RABGAP1L: variants seen among roughly 807,000 people sequenced by gnomAD.
RABGAP1L encodes the protein RAB GTPase activating protein 1 like.
Under a neutral mutation model 137.7 loss-of-function variants are expected in RABGAP1L, and 63 were observed. That is an observed-to-expected ratio of 0.46 (90% CI 0.37 to 0.56). The LOEUF (loss-of-function observed/expected upper bound fraction) is 0.56. Ranked by LOEUF, RABGAP1L falls within the 20% of genes least tolerant of loss-of-function variation. The probability of loss-of-function intolerance (pLI) is 0.00; values close to 1 mark genes in which losing one functional copy is unlikely to be tolerated. For synonymous variants in RABGAP1L, 431 were observed against 433.7 expected (o/e 0.99, Z 0.08); for missense variants, 1,095 against 1,244.0 (o/e 0.88, Z 1.80).
In RABGAP1L at chr1:174,698,915, A is replaced by G. The variant is rs577635578; in HGVS notation, c.1900-610A>G. ...GCAAAAGAGGTTGGGGGGTGTAGGT[A>G]CCGGGGATTAGTTTATATATAATGA... is the stretch of plus-strand genomic sequence containing the variant. On this transcript the variant is annotated intron_variant, in intron 15 of 25. Coordinates refer to ENST00000681986, the MANE Select transcript of RABGAP1L (RefSeq NM_001366446.1). Among the ~76,000 whole-genome samples, 38 of 152,044 alleles carry G rather than the reference A, an allele frequency of 2.5e-4. 1 individual carries two copies. The South Asian group carries it at 7.9e-3, about 32-fold the overall frequency.
At chr1:174,678,975 C>G (rs372428045) in intron 14 of RABGAP1L, among the ~76,000 whole-genome samples, 4 of 152,144 alleles carry the variant, frequency 2.6e-5, no homozygotes, top group African/African-American at 9.7e-5. Flanking sequence ...TCAGCTTGAG[C>G]CCTAACAAAC....
chr1:174,976,114 C>G lies in RABGAP1L; in HGVS notation c.2581C>G (p.Leu861Val), dbSNP rs1052885840. The G allele has an allele frequency of 9.0e-6, 14 of 1,551,078 alleles. No individual in the cohort carries two copies. The highest frequency in any genetic ancestry group is 1.0e-5 in the Non-Finnish European group (12 of 1,147,102). Residue 861 changes from leucine (L) to valine (V), a missense_variant, in exon 22 of 26, where the codon CTT becomes GTT. Physicochemically the swap from Leu to Val is conservative, Grantham distance 32 (BLOSUM62 1). This residue lies in a region of RABGAP1L where 312 missense variants were observed against 435.6 expected (regional missense o/e 0.72). Coordinates refer to ENST00000681986, the MANE Select transcript of RABGAP1L (RefSeq NM_001366446.1). ...GGCAGATGTGTTGAATAAAGAGCTC[C>G]TTTTGACCAAACAGAGGCTGGTGGA... The part of the protein sequence containing the change: ...DKADVLNKEL[L>V]LTKQRLVETE...
intron 13 of RABGAP1L, among the ~76,000 whole-genome samples, chr1:174,430,449 C>T (rs965355718): frequency 2.0e-5 from 3 of 152,030 alleles, no homozygotes; most frequent in African/African-American, 7.2e-5. Context: ...GGTTCCAGAC[C>T]TCAAACAATA....
chr1:174,797,628 GGTGTGTGGGGGGGTGTGTGGGGAGTGT>G (rs1688354064), intron 18 of RABGAP1L, among the ~76,000 whole-genome samples: 1 of 127,808 alleles, frequency 7.8e-6, no homozygotes, highest in African/African-American at 3.0e-5. Context: ...TGGGAGTGTG[GGTGTGTGGGGGGGTGTGTGGGGAGTGT>G]GTGTGTGGTG....
At chr1:174,707,463 C>A (rs1475224013) in intron 17 of RABGAP1L, among the ~76,000 whole-genome samples, 3 of 152,104 alleles carry the variant, frequency 2.0e-5, no homozygotes, top group Non-Finnish European at 4.4e-5. Context: ...TTCAGTCTTA[C>A]AAAGAGCAAT....
intron 14 of RABGAP1L, among the ~76,000 whole-genome samples, chr1:174,652,599 C>T (rs958155337): frequency 2.0e-5 from 3 of 152,214 alleles, no homozygotes; most frequent in Non-Finnish European, 2.9e-5. Flanking sequence ...CCATTCCAGA[C>T]CTTGTTTGCC....
At chr1:174,748,735 C>T (rs772257371) in intron 17 of RABGAP1L, among the ~76,000 whole-genome samples, 2 of 151,860 alleles carry the variant, frequency 1.3e-5, no homozygotes, top group East Asian at 1.9e-4. Flanking sequence ...ATTATCTGGG[C>T]GTGGTGGCAT....
At chr1:174,706,524 T>C (rs1680060304) in intron 17 of RABGAP1L, among the ~76,000 whole-genome samples, 1 of 152,188 alleles carries the variant, frequency 6.6e-6, no homozygotes, top group African/African-American at 2.4e-5. Context: ...AATATTATGC[T>C]ATTAACCTAT....
At chr1:174,466,142 G>C (rs1657272856) in intron 13 of RABGAP1L, among the ~76,000 whole-genome samples, 1 of 152,164 alleles carries the variant, frequency 6.6e-6, no homozygotes, top group Admixed American at 6.5e-5. Context: ...GATCTCACCT[G>C]TTTGGAACTT....
At chr1:174,659,525 G>T (rs1264210861) in intron 14 of RABGAP1L, among the ~76,000 whole-genome samples, 1 of 151,946 alleles carries the variant, frequency 6.6e-6, no homozygotes, top group Non-Finnish European at 1.5e-5. Flanking sequence ...AGTCACTTTT[G>T]CTCATGCTTT....
At chr1:174,523,153 CAAGA>C (rs1663575372) in intron 13 of RABGAP1L, among the ~76,000 whole-genome samples, 1 of 152,036 alleles carries the variant, frequency 6.6e-6, no homozygotes, top group Non-Finnish European at 1.5e-5. Context: ...TTAAGAAGTC[CAAGA>C]AAGAAAGACT....
chr1:174,750,111 C>T (rs1363771249), intron 17 of RABGAP1L, among the ~76,000 whole-genome samples: 7 of 152,048 alleles, frequency 4.6e-5, no homozygotes, highest in Non-Finnish European at 1.0e-4. Context: ...CCTCGTGATC[C>T]GCCTGCCTCG....
At chr1:174,772,567 CAAAAAAA>C (rs60690186) in intron 18 of RABGAP1L, among the ~76,000 whole-genome samples, 1 of 53,074 alleles carries the variant, frequency 1.9e-5, no homozygotes, top group Non-Finnish European at 3.4e-5. Context: ...GACTCCATCT[CAAAAAAA>C]AAAAAAAAAA....
intron 19 of RABGAP1L, among the ~76,000 whole-genome samples, chr1:174,818,636 G>A (rs1690687019): frequency 6.6e-6 from 1 of 152,114 alleles, no homozygotes; most frequent in Non-Finnish European, 1.5e-5. Flanking sequence ...AACACTTTGG[G>A]AGGCGGAGGT....
intron 19 of RABGAP1L, among the ~76,000 whole-genome samples, chr1:174,826,054 C>T (rs1691534328): frequency 6.6e-6 from 1 of 152,142 alleles, no homozygotes; most frequent in Non-Finnish European, 1.5e-5. Flanking sequence ...CTTCCTGCCT[C>T]CCTCAAATAG....
intron 19 of RABGAP1L, among the ~76,000 whole-genome samples, chr1:174,949,028 G>A (rs1667327728): frequency 6.6e-6 from 1 of 152,084 alleles, no homozygotes; most frequent in African/African-American, 2.4e-5. Context: ...TCTAAAAACA[G>A]AACATGAAAT....
At chr1:174,178,930 C>T (rs1053039043) in intron 1 of RABGAP1L, among the ~76,000 whole-genome samples, 1 of 152,172 alleles carries the variant, frequency 6.6e-6, no homozygotes. Flanking sequence ...AGCAAACCAC[C>T]ATGGCACATG....
intron 1 of RABGAP1L, among the ~76,000 whole-genome samples, chr1:174,161,523 AGC>A (rs1571310495): frequency 6.6e-6 from 1 of 152,276 alleles, no homozygotes; most frequent in East Asian, 1.9e-4. Context: ...TACAGGCGTT[AGC>A]CACAGCGCCC....
chr1:174,759,905 G>A (rs1163445773), intron 18 of RABGAP1L, among the ~76,000 whole-genome samples: 6 of 152,150 alleles, frequency 3.9e-5, no homozygotes, highest in Admixed American at 3.3e-4. Flanking sequence ...CCTCCCACTC[G>A]GCCCTACCTT....
Sources: allele counts gnomAD v4.1 joint callset (sites outside exome capture counted in the v4.1 genomes callset), GRCh38; gene constraint gnomAD v4.1.1; regional missense constraint gnomAD v4.1.1; transcripts MANE v1.5; gene names NCBI Gene and HGNC (gene_info 2026-07-23, HGNC 2026-07-21).